The following PIK3R4 variants were observed in gnomAD, a reference collection of about 807,000 sequenced individuals.
The protein encoded by PIK3R4 is phosphoinositide-3-kinase regulatory subunit 4, also known as phosphoinositide 3-kinase regulatory subunit 4.
A neutral mutation model predicts 136.5 loss-of-function variants in PIK3R4; 46 were observed. That is an observed-to-expected ratio of 0.34 (90% CI 0.27 to 0.43). The LOEUF (loss-of-function observed/expected upper bound fraction) is 0.43. Ranked by LOEUF, PIK3R4 falls within the 20% of genes least tolerant of loss-of-function variation. The pLI is 1.00. For synonymous variants in PIK3R4, 557 were observed against 566.7 expected, an observed-to-expected ratio of 0.98 and a Z score of 0.24; for missense variants, 1,331 against 1,649.5, an observed-to-expected ratio of 0.81 and a Z score of 3.35.
intron 18 of PIK3R4, 103 bp from the exon 19 acceptor site, chr3:130,680,824 A>AAAAG: frequency 1.2e-6 from 1 of 823,178 alleles, no homozygotes; most frequent in East Asian, 2.6e-5. Flanking sequence ...TTGCATTAGG[A>AAAAG]AAAGAGGTTT....
chr3:130,704,996 A>G (rs2066598801), intron 12 of PIK3R4, among the ~76,000 whole-genome samples: 1 of 151,808 alleles, frequency 6.6e-6, no homozygotes, highest in Admixed American at 6.6e-5. Flanking sequence ...ACACCTGGCT[A>G]ATTTTTATAT....
rs76058068 is a variant in PIK3R4 at position 130,680,147 on chromosome 3, A to T, written c.3906+466T>A. 3.4e-3 allele frequency among the ~76,000 whole-genome samples: 520 copies of T among 152,220 alleles called. 18 individuals are homozygous for T. In the East Asian group the frequency reaches 0.075, roughly 22 times the overall value. ...ATTCTACCACTTCTAAAGCTCATTAATATTTGTCATGAAGGAAGCACACTT... is the reference window on the plus strand; with the variant it reads ...ATTCTACCACTTCTAAAGCTCATTATTATTTGTCATGAAGGAAGCACACTT... On this transcript the variant is annotated intron_variant, in intron 19 of 19. Coordinates refer to ENST00000356763, the MANE Select transcript of PIK3R4 (RefSeq NM_014602.3).
At chr3:130,679,537 T>G (rs897669945) in intron 19 of PIK3R4, 52 bp from the exon 20 acceptor site, 1 of 1,344,930 alleles carries the variant, frequency 7.4e-7, no homozygotes, top group African/African-American at 1.5e-5. Context: ...CTGTACCACA[T>G]TTTTCCTCTC....
chr3:130,710,538 A>G (rs1475711524), intron 9 of PIK3R4, among the ~76,000 whole-genome samples: 3 of 152,066 alleles, frequency 2.0e-5, no homozygotes, highest in Admixed American at 6.6e-5. Flanking sequence ...ACTCACACCA[A>G]CTCCCTTTAA....
At chr3:130,708,611 G>A in intron 9 of PIK3R4, 119 bp from the exon 10 acceptor site, 1 of 836,076 alleles carries the variant, frequency 1.2e-6, no homozygotes, top group Non-Finnish European at 1.8e-6. Flanking sequence ...AGAGACAGAA[G>A]GGTGAAACAA....
At chr3:130,724,847 T>C (rs1164791935) in intron 6 of PIK3R4, among the ~76,000 whole-genome samples, 1 of 151,968 alleles carries the variant, frequency 6.6e-6, no homozygotes, top group African/African-American at 2.4e-5. Context: ...AGAGATAAAG[T>C]CCAAAGTTGG....
chr3:130,702,296 A>T (rs2066578885), intron 13 of PIK3R4, among the ~76,000 whole-genome samples: 1 of 152,182 alleles, frequency 6.6e-6, no homozygotes, highest in Admixed American at 6.5e-5. Context: ...TTGCTTGCAT[A>T]TTTGAATATT....
intron 6 of PIK3R4, among the ~76,000 whole-genome samples, chr3:130,726,608 A>G (rs1215070633): frequency 6.6e-6 from 1 of 152,196 alleles, no homozygotes; most frequent in Non-Finnish European, 1.5e-5. Flanking sequence ...TATGGGAAAA[A>G]ACATCAAAGC....
At chr3:130,720,784 G>C (rs1369893401) in intron 7 of PIK3R4, among the ~76,000 whole-genome samples, 3 of 152,298 alleles carry the variant, frequency 2.0e-5, no homozygotes, top group South Asian at 2.1e-4. Flanking sequence ...CCAATGAAGA[G>C]GGCAGGAAGG....
chr3:130,721,211 C>T (rs1054993947), intron 7 of PIK3R4, among the ~76,000 whole-genome samples: 3 of 151,908 alleles, frequency 2.0e-5, no homozygotes, highest in Non-Finnish European at 2.9e-5. Context: ...GTAGCGGGCG[C>T]CTGTAGTCCC....
chr3:130,716,526 C>T lies in PIK3R4; in HGVS notation c.2201G>A (p.Arg734Lys). Reference protein sequence around the residue: ...VSRSIFDYALRSKDITSLFRH... With the variant: ...VSRSIFDYALKSKDITSLFRH... The stretch of plus-strand genomic sequence containing the variant: ...GAACAAGCTAGTAATATCTTTAGAC[C>T]TCAAAGCATAATCAAATATAGAACG... Residue 734 changes from arginine to lysine, a missense_variant, in exon 9 of 20, where the codon AGG becomes AAG. Physicochemically the swap from Arg to Lys is conservative, Grantham distance 26. Transcript: ENST00000356763. 1 of 1,613,792 alleles carries T rather than the reference C, an allele frequency of 6.2e-7. No homozygotes were observed. Among genetic ancestry groups the T allele is most frequent in the Non-Finnish European group, 8.5e-7 (1 of 1,179,720 alleles).
chr3:130,681,338 T>C (rs2066457105), intron 17 of PIK3R4, among the ~76,000 whole-genome samples, 153 bp downstream of exon 17: 1 of 152,202 alleles, frequency 6.6e-6, no homozygotes, highest in African/African-American at 2.4e-5. Flanking sequence ...GAAACACTCA[T>C]GTAGCAATGG....
intron 11 of PIK3R4, among the ~76,000 whole-genome samples, chr3:130,706,691 T>C (rs547854756): frequency 1.3e-5 from 2 of 152,334 alleles, no homozygotes; most frequent in South Asian, 2.1e-4. Flanking sequence ...CAGTTCATAA[T>C]AATGTCTTCA....
chr3:130,719,656 C>A (rs79376822), intron 7 of PIK3R4, among the ~76,000 whole-genome samples: 4,845 of 152,098 alleles, frequency 0.032, 227 homozygotes, highest in East Asian at 0.1. Context: ...AGTAGCTAAA[C>A]CCATAACGGT....
rs1250172307 is a variant in PIK3R4 at position 130,708,441 on chromosome 3, T to C, written c.2383A>G (p.Met795Val). The C allele has an allele frequency of 6.2e-7, 1 of 1,613,610 alleles. No individual in the cohort carries two copies. The highest frequency in any genetic ancestry group is 1.1e-5 in the South Asian group (1 of 91,056). The change falls in exon 10 of 20, where the codon ATG becomes GTG. Residue 795 changes from methionine to valine, a missense_variant. Met to Val is a conservative substitution (Grantham distance 21, BLOSUM62 1). Transcript: ENST00000356763. ...DKLLALKDFM[M>V]KSNKAKANIV... ...TTGGCCTTTGCTTTATTAGATTTCA[T>C]CATGAAGTCTTTCAGTGCCAGAAGT... is the stretch of plus-strand genomic sequence containing the variant.
At position 130,735,984 on chromosome 3, in the gene PIK3R4, A is replaced by T. The variant is rs763000799; in HGVS notation, c.752T>A (p.Leu251His). The T allele has an allele frequency of 6.2e-7, 1 of 1,610,166 alleles. No homozygotes were observed. The highest frequency in any genetic ancestry group is 2.2e-5 in the East Asian group (1 of 44,744). ...IFSAGCVIAE[L>H]FTEGVPLFDL... is the part of the protein sequence containing the mutation. The stretch of plus-strand genomic sequence containing the variant: ...AAATAATGGTACACCTTCTGTAAAA[A>T]GCTCAGCTATCACACAACCTGAAAA... The change falls in exon 3 of 20, where the codon CTT (leucine) becomes CAT (histidine). Residue 251 changes from leucine (L) to histidine (H), a missense_variant. Physicochemically the swap from Leu to His is moderately conservative, Grantham distance 99. This residue lies in a region of PIK3R4 where 1,180 missense variants were observed against 1,407.0 expected (regional missense o/e 0.84). Transcript: ENST00000356763.
At chr3:130,680,438 C>CTTATT in intron 19 of PIK3R4, 175 bp downstream of exon 19, 3 of 449,778 alleles carry the variant, frequency 6.7e-6, no homozygotes, top group Non-Finnish European at 4.0e-6. Flanking sequence ...TTTCTTTATG[C>CTTATT]TTATTTTACC....
chr3:130,745,083 G>A lies in PIK3R4; in HGVS notation c.136C>T (p.Arg46Ter). 1.2e-6 allele frequency: 2 copies of A among 1,613,780 alleles called. No homozygotes were observed. Among genetic ancestry groups the A allele is most frequent in the Non-Finnish European group, 1.7e-6 (2 of 1,179,992 alleles). ...ACCTTCACAACGACCAGGCCTTCTCGGTGCTTGGCTCGAGCAACTTTAAAA... is the reference window on the plus strand; with the variant it reads ...ACCTTCACAACGACCAGGCCTTCTCAGTGCTTGGCTCGAGCAACTTTAAAA... Reference protein sequence around the residue: ...RFFKVARAKHREGLVVVKVFA... With the variant: ...RFFKVARAKH Residue 46 changes from arginine to a stop codon, truncating the protein, a stop_gained, in exon 2 of 20, where the codon CGA (arginine) becomes TGA (stop). Transcript: ENST00000356763. LOFTEE classifies it high-confidence loss of function.
chr3:130,695,781 CAG>C (rs2066542598), intron 13 of PIK3R4, among the ~76,000 whole-genome samples: 1 of 152,144 alleles, frequency 6.6e-6, no homozygotes, highest in East Asian at 1.9e-4. Flanking sequence ...ACAAAAACCA[CAG>C]TATACATAAG....
Sources: gnomAD v4.1 joint callset for allele counts (sites outside exome capture counted in the v4.1 genomes callset) on GRCh38, gnomAD v4.1.1 for gene constraint, gnomAD v4.1.1 regional missense constraint, MANE v1.5 for transcripts, NCBI Gene and HGNC (gene_info 2026-07-23, HGNC 2026-07-21) for gene names.